The following SLC31A2 variants were observed in gnomAD, a reference collection of about 807,000 sequenced individuals.
The protein encoded by SLC31A2 is solute carrier family 31 member 2.
In SLC31A2, 16 loss-of-function variants were observed where a neutral mutation model predicts 14.4. That is an observed-to-expected ratio of 1.11 (90% CI 0.75 to 1.69). The LOEUF is 1.69. Ranked by LOEUF, SLC31A2 falls within the 40% of genes most tolerant of loss-of-function variation. The pLI, the probability that SLC31A2 is intolerant of heterozygous loss-of-function variation, is 0.00. For synonymous variants in SLC31A2, 56 were observed against 68.7 expected (o/e 0.82, Z 0.91); for missense variants, 140 against 173.9 (o/e 0.81, Z 1.10).
intron 3 of SLC31A2, chr9:113,161,906 C>T (rs902634457): frequency 1.5e-6 from 1 of 675,106 alleles, no homozygotes; most frequent in African/African-American, 1.8e-5. Flanking sequence ...AACAGCCAGC[C>T]ACTTGAGAGG....
rs3840999 is a variant in SLC31A2, at chr9:113,164,096, A to AAAAC, written c.*1187_*1190dup. The AAAAC allele has an allele frequency of 6.6e-6, 1 of 152,262 alleles. No individual in the cohort carries two copies. The highest frequency in any genetic ancestry group is 2.4e-5 in the African/African-American group (1 of 41,314). The allele number at this position is 152,262 out of a possible 1,614,324, so 9.4% of individuals were successfully genotyped here. A position where few individuals can be genotyped will look rare whatever the true frequency, so the allele number is the denominator to read the frequency against. ...AGATGGTTGTAAGCTTTGGGAATTA[A>AAAAC]AAACAAACAAATACATTTTAGTAAA... On this transcript the variant is annotated 3_prime_UTR_variant, in exon 4 of 4. Coordinates refer to ENST00000259392, the MANE Select transcript of SLC31A2 (RefSeq NM_001860.3).
At chr9:113,160,982 A>G (rs1417649922) in intron 2 of SLC31A2, 3 of 152,486 alleles carry the variant, frequency 2.0e-5, no homozygotes, top group Non-Finnish European at 1.5e-5. Flanking sequence ...TTAATTTTAC[A>G]CAGCAGCTCT....
In SLC31A2 at chr9:113,163,617, G is replaced by T. The variant is rs1830051745; in HGVS notation, c.*700G>T. On this transcript the variant is annotated 3_prime_UTR_variant, in exon 4 of 4. Coordinates refer to ENST00000259392, the MANE Select transcript of SLC31A2 (RefSeq NM_001860.3). ...TTTCTTGGGGAGAGAATAAGTGACA[G>T]CTGATTAAAGGCAGAGACACAGGAC... is the stretch of plus-strand genomic sequence containing the variant. 6.6e-6 allele frequency: 1 copy of T among 152,444 alleles called. No homozygotes were observed. Among genetic ancestry groups the T allele is most frequent in the African/African-American group, 2.4e-5 (1 of 41,446 alleles). 9.4% of individuals were successfully genotyped at this position (152,444 alleles called of 1,614,324 possible). A position where few individuals can be genotyped will look rare whatever the true frequency, so the allele number is the denominator to read the frequency against.
chr9:113,158,175 T>C lies in SLC31A2; in HGVS notation c.73+382T>C, dbSNP rs60873819. The C allele has an allele frequency of 4.0e-3, 1,844 of 464,064 alleles. 15 individuals are homozygous for C. Among genetic ancestry groups the C allele is most frequent in the Middle Eastern group, 0.023 (58 of 2,474 alleles). 28.7% of individuals were successfully genotyped at this position (464,064 alleles called of 1,614,324 possible). On this transcript the variant is annotated intron_variant, in intron 2 of 3. Coordinates refer to ENST00000259392, the MANE Select transcript of SLC31A2 (RefSeq NM_001860.3). ...ACCTCCCTTATCCAGGGCTCATTGT[T>C]CTGCACCAGTTCAGAAGCCCACAGC...
Position 113,162,800 on chromosome 9 carries a change from C to T in SLC31A2, c.315C>T (p.Val105=), listed in dbSNP as rs1185294358. 6.8e-6 allele frequency: 11 copies of T among 1,613,794 alleles called. No homozygotes were observed. The highest frequency in any genetic ancestry group is 9.3e-6 in the Non-Finnish European group (11 of 1,179,872). The change falls in exon 4 of 4, where the codon GTC becomes GTT. Residue 105 remains valine (V), a synonymous_variant. Transcript: ENST00000259392. ...GQSLIHVIQV[V]IGYFIMLAVM... Reference sequence around the variant, plus strand: ...CTCTAATCCATGTCATCCAGGTGGTCATCGGCTACTTCATCATGCTGGCCG... The same window carrying T: ...CTCTAATCCATGTCATCCAGGTGGTTATCGGCTACTTCATCATGCTGGCCG...
intron 1 of SLC31A2, among the ~76,000 whole-genome samples, chr9:113,153,980 T>C (rs1829902228): frequency 6.6e-6 from 1 of 152,100 alleles, no homozygotes; most frequent in Non-Finnish European, 1.5e-5. Context: ...CTGTTATTGT[T>C]GTTGTTTTTG....
Position 113,162,941 on chromosome 9 carries a change from G to C in SLC31A2, c.*24G>C. 4 of 1,565,268 alleles carry C rather than the reference G, an allele frequency of 2.6e-6. No homozygotes were observed. The highest frequency in any genetic ancestry group is 3.5e-6 in the Non-Finnish European group (4 of 1,155,464). On this transcript the variant is annotated 3_prime_UTR_variant, in exon 4 of 4. Coordinates refer to ENST00000259392, the MANE Select transcript of SLC31A2 (RefSeq NM_001860.3). ...AGCTGGTGAGGAACGTGCAGGCACTGAGGCTGGAGGGACATGGAGCCCCCT... is the reference window on the plus strand; with the variant it reads ...AGCTGGTGAGGAACGTGCAGGCACTCAGGCTGGAGGGACATGGAGCCCCCT...
intron 2 of SLC31A2, among the ~76,000 whole-genome samples, chr9:113,159,137 ATCTT>A (rs1275015283): frequency 1.3e-5 from 2 of 151,906 alleles, no homozygotes; most frequent in Admixed American, 6.6e-5. Context: ...AAGAAAACTG[ATCTT>A]TCTCTTTTTT....
chr9:113,162,937 C>T lies in SLC31A2; in HGVS notation c.*20C>T. 8 of 1,580,224 alleles carry T rather than the reference C, an allele frequency of 5.1e-6. No homozygotes were observed. The highest frequency in any genetic ancestry group is 6.9e-6 in the Non-Finnish European group (8 of 1,163,130). ...GCTTAGCTGGTGAGGAACGTGCAGG[C>T]ACTGAGGCTGGAGGGACATGGAGCC... On this transcript the variant is annotated 3_prime_UTR_variant, in exon 4 of 4. Transcript: ENST00000259392.
chr9:113,157,753 G>A lies in SLC31A2; in HGVS notation c.33G>A (p.Ala11=), dbSNP rs770597660. The part of the protein sequence containing the change: MAMHFIFSDT[A]VLLFDFWSVH... ...TGCATTTCATCTTCTCAGATACAGCGGTGCTTCTGTTTGATTTCTGGAGTG... is the reference window on the plus strand; with the variant it reads ...TGCATTTCATCTTCTCAGATACAGCAGTGCTTCTGTTTGATTTCTGGAGTG... The change falls in exon 2 of 4, where the codon GCG becomes GCA. Residue 11 remains alanine, a synonymous_variant. Transcript: ENST00000259392. 9 of 1,613,056 alleles carry A rather than the reference G, an allele frequency of 5.6e-6. No individual in the cohort carries two copies. The highest frequency in any genetic ancestry group is 2.2e-5 in the East Asian group (1 of 44,856).
intron 2 of SLC31A2, 102 bp downstream of exon 2, chr9:113,157,895 C>T: frequency 1.2e-6 from 1 of 833,698 alleles, no homozygotes; most frequent in Non-Finnish European, 2.0e-6. Context: ...TTAAGTGAGG[C>T]TGATTCCTCT....
In SLC31A2 at chr9:113,151,846, GGAGGCT is replaced by G. The variant is rs1049113783; in HGVS notation, c.6+772_6+777del. ...CAGGCGCCTGTAATCCCAGCTACTC[GGAGGCT>G]GAGGCAGGATGAGGAGGATTGCTTG... On this transcript the variant is annotated intron_variant, in intron 1 of 3. Coordinates refer to ENST00000259392, the MANE Select transcript of SLC31A2 (RefSeq NM_001860.3). This position sits in a 1 kb window ranked among gnomAD's most constrained non-coding sequence, Gnocchi z 4.2. The G allele has an allele frequency of 1.3e-5, 2 of 152,104 alleles. No homozygotes were observed. The highest frequency in any genetic ancestry group is 4.8e-5 in the African/African-American group (2 of 41,388). The allele number at this position is 152,104 out of a possible 1,614,324, so 9.4% of individuals were successfully genotyped here.
At chr9:113,153,562 G>A (rs1829897105) in intron 1 of SLC31A2, among the ~76,000 whole-genome samples, 1 of 152,118 alleles carries the variant, frequency 6.6e-6, no homozygotes, top group Non-Finnish European at 1.5e-5. Context: ...GAGATAAGTG[G>A]GCTTTTATGT....
At chr9:113,153,076 T>C (rs1829888435) in intron 1 of SLC31A2, among the ~76,000 whole-genome samples, 1 of 152,130 alleles carries the variant, frequency 6.6e-6, no homozygotes, top group East Asian at 1.9e-4. Flanking sequence ...ACCTGTTTGG[T>C]TTTGTATATC....
At chr9:113,154,117 G>A (rs1183426433) in intron 1 of SLC31A2, among the ~76,000 whole-genome samples, 1 of 152,180 alleles carries the variant, frequency 6.6e-6, no homozygotes, top group African/African-American at 2.4e-5. Flanking sequence ...GGGACTACAG[G>A]CACATGCCAC....
In SLC31A2 at chr9:113,162,840, A is replaced by G; in HGVS notation, c.355A>G (p.Thr119Ala). 6.2e-7 allele frequency: 1 copy of G among 1,613,584 alleles called. No homozygotes were observed. The highest frequency in any genetic ancestry group is 8.5e-7 in the Non-Finnish European group (1 of 1,179,804). ...FIMLAVMSYN[T>A]WIFLGVVLGS... The stretch of plus-strand genomic sequence containing the variant: ...CATGCTGGCCGTAATGTCCTACAAC[A>G]CCTGGATTTTCCTTGGTGTGGTCTT... The change falls in exon 4 of 4, where the codon ACC (threonine) becomes GCC (alanine). Residue 119 changes from threonine to alanine, a missense_variant. Transcript: ENST00000259392.
chr9:113,164,100 C>CAAACA lies in SLC31A2; in HGVS notation c.*1186_*1190dup, dbSNP rs1830061932. The CAAACA allele has an allele frequency of 1.4e-5, 1 of 70,944 alleles. No individual in the cohort carries two copies. Among genetic ancestry groups the CAAACA allele is most frequent in the Non-Finnish European group, 3.4e-5 (1 of 29,544 alleles). 4.4% of individuals were successfully genotyped at this position (70,944 alleles called of 1,614,324 possible). ...GGTTGTAAGCTTTGGGAATTAAAAA[C>CAAACA]AAACAAATACATTTTAGTAAATATA... On this transcript the variant is annotated 3_prime_UTR_variant, in exon 4 of 4. Coordinates refer to ENST00000259392, the MANE Select transcript of SLC31A2 (RefSeq NM_001860.3).
Position 113,162,124 on chromosome 9 carries a change from C to T in SLC31A2, c.263+426C>T, listed in dbSNP as rs368310236. Reference sequence around the variant, plus strand: ...AGCTCTCCTCTCCTCCCTTCCCACTCGAATCAGGCAACCATTTAGGGTCCC... The same window carrying T: ...AGCTCTCCTCTCCTCCCTTCCCACTTGAATCAGGCAACCATTTAGGGTCCC... On this transcript the variant is annotated intron_variant, in intron 3 of 3. Coordinates refer to ENST00000259392, the MANE Select transcript of SLC31A2 (RefSeq NM_001860.3). 2.0e-4 allele frequency: 68 copies of T among 331,826 alleles called. 1 individual carries two copies. Among genetic ancestry groups the T allele is most frequent in the African/African-American group, 1.2e-3 (53 of 45,978 alleles). The allele number at this position is 331,826 out of a possible 1,614,324, so 20.6% of individuals were successfully genotyped here.
chr9:113,160,188 C>A (rs982567883), intron 2 of SLC31A2, among the ~76,000 whole-genome samples: 1 of 151,308 alleles, frequency 6.6e-6, no homozygotes, highest in Non-Finnish European at 1.5e-5. Flanking sequence ...GGCAACAGAG[C>A]GAGACTCCAT....
Sources: gnomAD v4.1 joint callset for allele counts (sites outside exome capture counted in the v4.1 genomes callset) on GRCh38, gnomAD v4.1.1 for gene constraint, Gnocchi (gnomAD v3.1) non-coding constraint, MANE v1.5 for transcripts, NCBI Gene and HGNC (gene_info 2026-07-23, HGNC 2026-07-21) for gene names.